UNC13A: variants seen among roughly 807,000 people sequenced by gnomAD.
UNC13A encodes protein unc-13 homolog A.
UNC13A carries 61 observed loss-of-function variants against 219.7 expected under a neutral mutation model. That is an observed-to-expected ratio of 0.28 (90% CI 0.23 to 0.34). The LOEUF is 0.34. Ranked by LOEUF, UNC13A falls within the 10% of genes least tolerant of loss-of-function variation. UNC13A has a pLI of 1.00. For synonymous variants in UNC13A, 920 were observed against 884.6 expected, an observed-to-expected ratio of 1.04 and a Z score of -0.71; for missense variants, 1,476 against 2,270.3, an observed-to-expected ratio of 0.65 and a Z score of 7.11.
At position 17,629,342 on chromosome 19, in the gene UNC13A, G is replaced by A; in HGVS notation, c.3670-19C>T. ...TGATGGTCTGGGGAAGACACAGAGT[G>A]TGGGTGAGAGGAGAGGCTGGCACCA... On this transcript the variant is annotated intron_variant, in intron 30 of 43. Transcript: ENST00000519716. 1 of 1,600,968 alleles carries A rather than the reference G, an allele frequency of 6.2e-7. No individual in the cohort carries two copies. Among genetic ancestry groups the A allele is most frequent in the Non-Finnish European group, 8.5e-7 (1 of 1,173,084 alleles).
chr19:17,682,791 A>C (rs1377858512), intron 1 of UNC13A, among the ~76,000 whole-genome samples: 1 of 152,102 alleles, frequency 6.6e-6, no homozygotes, highest in Non-Finnish European at 1.5e-5. Context: ...GGCTGGGCAC[A>C]GTGGCTCATG....
At chr19:17,631,179 TTTCCTTCCTTCCCTCCCTCCCTCCC>T (rs1408667987) in intron 28 of UNC13A, among the ~76,000 whole-genome samples, 199 of 6,866 alleles carry the variant, frequency 0.029, 11 homozygotes, top group South Asian at 0.092. Context: ...CCCTCCCTCC[TTTCCTTCCTTCCCTCCCTCCCTCCC>T]TTCCTTCCTT....
chr19:17,668,407 G>A (rs541830104), intron 5 of UNC13A, among the ~76,000 whole-genome samples: 3 of 152,302 alleles, frequency 2.0e-5, no homozygotes, highest in South Asian at 4.1e-4. Flanking sequence ...GAGCTGAATG[G>A]AGAATAGTTG....
rs28706729 is a variant in UNC13A, at chr19:17,662,716, C to T, written c.559+816G>A. Reference sequence around the variant, plus strand: ...CAGGTGGATCACGAGGTCAGGAGATCGAGACCCTCCTGGCTAACACGGTGA... The same window carrying T: ...CAGGTGGATCACGAGGTCAGGAGATTGAGACCCTCCTGGCTAACACGGTGA... On this transcript the variant is annotated intron_variant, in intron 8 of 43. Coordinates refer to ENST00000519716, the MANE Select transcript of UNC13A (RefSeq NM_001080421.3). 1.7e-4 allele frequency among the ~76,000 whole-genome samples: 26 copies of T among 152,052 alleles called. 1 individual carries two copies. The South Asian group carries it at 4.2e-3, about 24-fold the overall frequency.
intron 19 of UNC13A, 71 bp from the exon 20 acceptor site, chr19:17,643,031 G>C: frequency 8.1e-7 from 1 of 1,235,226 alleles, no homozygotes; most frequent in Non-Finnish European, 1.1e-6. Flanking sequence ...TTTTTTTTAA[G>C]AGGGAGTCTT....
intron 19 of UNC13A, among the ~76,000 whole-genome samples, chr19:17,644,249 CAT>C (rs2077000344): frequency 1.3e-5 from 2 of 152,004 alleles, no homozygotes; most frequent in African/African-American, 4.8e-5. Flanking sequence ...AGTGCAGTGG[CAT>C]GATCATAGCT....
intron 31 of UNC13A, among the ~76,000 whole-genome samples, chr19:17,628,627 G>C (rs564581634): frequency 2.0e-5 from 3 of 151,906 alleles, no homozygotes; most frequent in Non-Finnish European, 4.4e-5. Context: ...CACACACCTA[G>C]ATGTGTTGTA....
chr19:17,678,558 G>C (rs1168973906), intron 1 of UNC13A, among the ~76,000 whole-genome samples: 1 of 152,058 alleles, frequency 6.6e-6, no homozygotes, highest in African/African-American at 2.4e-5. Context: ...CTTCATCTCT[G>C]CTTCCATCTC....
intron 19 of UNC13A, among the ~76,000 whole-genome samples, chr19:17,644,193 T>TG (rs1448903020): frequency 6.6e-6 from 1 of 152,072 alleles, no homozygotes; most frequent in African/African-American, 2.4e-5. Flanking sequence ...TTTCTTGTGG[T>TG]GGGGGGTCGG....
At chr19:17,647,213 G>A in intron 17 of UNC13A, 52 bp downstream of exon 17, 1 of 1,476,274 alleles carries the variant, frequency 6.8e-7, no homozygotes. Context: ...GCATGAGACA[G>A]GTCTCAGAGG....
At chr19:17,640,767 C>T in intron 21 of UNC13A, 106 bp from the exon 22 acceptor site, 1 of 1,238,542 alleles carries the variant, frequency 8.1e-7, no homozygotes, top group Non-Finnish European at 1.1e-6. Context: ...GTCTCTGTCA[C>T]CTCCTAAACC....
chr19:17,624,372 A>G (rs924181849), intron 35 of UNC13A, among the ~76,000 whole-genome samples: 8 of 152,068 alleles, frequency 5.3e-5, no homozygotes, highest in African/African-American at 1.7e-4. Context: ...GCCCGCCTCG[A>G]GCCTCCCAAA....
chr19:17,648,713 C>T lies in UNC13A; in HGVS notation c.1597-63G>A, dbSNP rs2079289509. The T allele has an allele frequency of 5.1e-6, 8 of 1,566,620 alleles. No individual in the cohort carries two copies. The South Asian group carries it at 9.3e-5, about 18-fold the overall frequency. On this transcript the variant is annotated intron_variant, in intron 15 of 43. Coordinates refer to ENST00000519716, the MANE Select transcript of UNC13A (RefSeq NM_001080421.3). Reference sequence around the variant, plus strand: ...ACCTGGCGCTGTCCCTGTCCTGCCCCATTCCGCCCCATCACTGAGCGCGGT... The same window carrying T: ...ACCTGGCGCTGTCCCTGTCCTGCCCTATTCCGCCCCATCACTGAGCGCGGT...
intron 8 of UNC13A, among the ~76,000 whole-genome samples, chr19:17,662,063 G>A (rs1044801965): frequency 1.3e-5 from 2 of 151,984 alleles, no homozygotes; most frequent in Admixed American, 6.6e-5. Flanking sequence ...CCAACATGGT[G>A]AAACCCCATC....
In UNC13A at chr19:17,630,346, G is replaced by A. The variant is rs892990792; in HGVS notation, c.3526-58C>T. ...AGATCAGCACCAGAGAATCCCTAGA[G>A]CCCAACTCTCCCACTCTCCACGGGG... is the stretch of plus-strand genomic sequence containing the variant. On this transcript the variant is annotated intron_variant, in intron 29 of 43. Coordinates refer to ENST00000519716, the MANE Select transcript of UNC13A (RefSeq NM_001080421.3). The A allele has an allele frequency of 8.4e-6, 13 of 1,545,092 alleles. No individual in the cohort carries two copies. In the East Asian group the frequency reaches 2.7e-4, roughly 32 times the overall value.
In UNC13A at chr19:17,656,043, T is replaced by G; in HGVS notation, c.1123A>C (p.Ile375Leu). The G allele has an allele frequency of 1.3e-6, 2 of 1,561,744 alleles. No homozygotes were observed. The highest frequency in any genetic ancestry group is 1.7e-6 in the Non-Finnish European group (2 of 1,152,566). The stretch of plus-strand genomic sequence containing the variant: ...CCTGGGGCAGCTGGCGGGAGGCTGA[T>G]GCGTTTGAAGTCTTTGGGCTCAGCC... ...AVAEPKDFKRISLPPAAPGKE... is the reference protein window; with the variant it reads ...AVAEPKDFKRLSLPPAAPGKE... The change falls in exon 10 of 44, where the codon ATC becomes CTC. Residue 375 changes from isoleucine (I) to leucine (L), a missense_variant. This residue lies in a region of UNC13A where 351 missense variants were observed against 342.6 expected (regional missense o/e 1.02). Transcript: ENST00000519716.
chr19:17,683,925 C>CA (rs35708247), intron 1 of UNC13A, among the ~76,000 whole-genome samples: 1 of 151,400 alleles, frequency 6.6e-6, no homozygotes, highest in Admixed American at 6.6e-5. Context: ...CCTGCTTCTG[C>CA]AAAAAATTAA....
At position 17,676,044 on chromosome 19, in the gene UNC13A, G is replaced by A; in HGVS notation, c.23-3C>T. 2 of 1,551,736 alleles carry A rather than the reference G, an allele frequency of 1.3e-6. No individual in the cohort carries two copies. The highest frequency in any genetic ancestry group is 8.7e-7 in the Non-Finnish European group (1 of 1,146,984). On this transcript the variant is annotated splice_polypyrimidine_tract_variant and splice_region_variant and intron_variant, in intron 1 of 43. Transcript: ENST00000519716. The stretch of plus-strand genomic sequence containing the variant: ...ACCATCAAACTTGGCTTTTTTGACT[G>A]TGGAGAGAGACAGAGATAGGGAAGG...
At chr19:17,673,191 C>A (rs2079823114) in intron 3 of UNC13A, among the ~76,000 whole-genome samples, 1 of 149,476 alleles carries the variant, frequency 6.7e-6, no homozygotes, top group Admixed American at 6.7e-5. Context: ...AACCCCATCT[C>A]CACTAAAAAT....
Sources: allele counts gnomAD v4.1 joint callset (sites outside exome capture counted in the v4.1 genomes callset), GRCh38; gene constraint gnomAD v4.1.1; regional missense constraint gnomAD v4.1.1; transcripts MANE v1.5; gene names NCBI Gene and HGNC (gene_info 2026-07-23, HGNC 2026-07-21).